Variants in CPM observed in about 807,000 individuals in gnomAD.
CPM encodes renal carboxypeptidase.
A neutral mutation model predicts 46.4 loss-of-function variants in CPM; 35 were observed. That is an observed-to-expected ratio of 0.75 (90% confidence interval 0.58 to 1.00). The LOEUF (loss-of-function observed/expected upper bound fraction) is 1.00, where lower values mean the gene tolerates loss of function less well. CPM is among the 50% of genes least tolerant of loss of function. The pLI, the probability that CPM is intolerant of heterozygous loss-of-function variation, is 0.00. For synonymous variants in CPM, 195 were observed against 195.3 expected (o/e 1.00, Z 0.01); for missense variants, 422 against 530.4 (o/e 0.80, Z 2.01).
At chr12:68,921,990 T>C (rs1308168081) in intron 2 of CPM, among the ~76,000 whole-genome samples, 2 of 152,310 alleles carry the variant, frequency 1.3e-5, no homozygotes, top group African/African-American at 4.8e-5. Flanking sequence ...TGAGAGTATC[T>C]GTTACATGTA....
chr12:68,847,040 T>C (rs1884342173), downstream of CPM: 1 of 150,580 alleles, frequency 6.6e-6, no homozygotes, highest in African/African-American at 2.5e-5. Flanking sequence ...GGCTGGAGTA[T>C]AGTGGCGCAA....
intron 3 of CPM, among the ~76,000 whole-genome samples, chr12:68,881,450 G>C (rs1320155905): frequency 6.6e-6 from 1 of 152,132 alleles, no homozygotes; most frequent in African/African-American, 2.4e-5. Context: ...TCCTGATTTG[G>C]GTAATTTTAG....
At chr12:68,906,560 G>T (rs1435450334) in intron 2 of CPM, among the ~76,000 whole-genome samples, 1 of 152,106 alleles carries the variant, frequency 6.6e-6, no homozygotes, top group Non-Finnish European at 1.5e-5. Flanking sequence ...CACGATCTTG[G>T]TTCACCGCAG....
chr12:68,903,061 A>C (rs1286078032), intron 2 of CPM, among the ~76,000 whole-genome samples: 1 of 152,250 alleles, frequency 6.6e-6, no homozygotes, highest in Non-Finnish European at 1.5e-5. Flanking sequence ...TGTATCTATA[A>C]GAGCTCTGAG....
rs1885594978 is a variant in CPM at position 68,869,463 on chromosome 12, G to A, written c.649C>T (p.Pro217Ser). Reference sequence around the variant, plus strand: ...AGATATTGAAAAACATCATCATCAGGCGTTAAGCTTCGGGAGTATAATGCC... The same window carrying A: ...AGATATTGAAAAACATCATCATCAGACGTTAAGCTTCGGGAGTATAATGCC... ...TGALYSRSLT[P>S]DDDVFQYLAH... is the part of the protein sequence containing the mutation. The change falls in exon 6 of 9, where the codon CCT becomes TCT. Residue 217 changes from proline (P) to serine (S), a missense_variant. Coordinates refer to ENST00000551568, the MANE Select transcript of CPM (RefSeq NM_198320.5). 2 of 1,612,152 alleles carry A rather than the reference G, an allele frequency of 1.2e-6. No individual in the cohort carries two copies. The highest frequency in any genetic ancestry group is 3.3e-5 in the Admixed American group (2 of 59,734).
Position 68,887,238 on chromosome 12 carries a change from G to A in CPM, c.161-1349C>T, listed in dbSNP as rs80184781. Among the ~76,000 whole-genome samples, 1,286 of 152,246 alleles carry A rather than the reference G, an allele frequency of 8.4e-3. 30 individuals carry two copies. Among genetic ancestry groups the A allele is most frequent in the African/African-American group, 0.029 (1,219 of 41,524 alleles). The stretch of plus-strand genomic sequence containing the variant: ...AGAGATGTGGGTATGTTTGATATCC[G>A]TCATGTATGTACAAAGTTTAAATAT... On this transcript the variant is annotated intron_variant, in intron 2 of 8. Transcript: ENST00000551568.
chr12:68,894,355 T>C (rs774721982), intron 2 of CPM, among the ~76,000 whole-genome samples: 6 of 152,172 alleles, frequency 3.9e-5, no homozygotes, highest in Non-Finnish European at 7.4e-5. Context: ...CAAAAATTAT[T>C]GGTGTATCTC....
intron 1 of CPM, 30 bp from the exon 2 acceptor site, chr12:68,932,870 G>C: frequency 1.9e-6 from 3 of 1,606,592 alleles, no homozygotes; most frequent in Non-Finnish European, 2.6e-6. Context: ...AGAAGAACCT[G>C]AGAACACATG....
chr12:68,849,619 T>A (rs1468817853), downstream of CPM: 1 of 151,718 alleles, frequency 6.6e-6, no homozygotes. Flanking sequence ...CATGCTAGCC[T>A]TGAACTCCTG....
In CPM at chr12:68,902,175, G is replaced by T. The variant is rs145258526; in HGVS notation, c.161-16286C>A. On this transcript the variant is annotated intron_variant, in intron 2 of 8. Transcript: ENST00000551568. ...TTTGTTTCTATTCATTTTTAAGACAGCCAAGAAGAATATGAGCATACTATC... is the reference window on the plus strand; with the variant it reads ...TTTGTTTCTATTCATTTTTAAGACATCCAAGAAGAATATGAGCATACTATC... Among the ~76,000 whole-genome samples, 163 of 152,204 alleles carry T rather than the reference G, an allele frequency of 1.1e-3. 1 individual carries two copies. The highest frequency in any genetic ancestry group is 3.3e-3 in the African/African-American group (137 of 41,536).
At chr12:68,914,932 C>T (rs1047692113) in intron 2 of CPM, among the ~76,000 whole-genome samples, 3 of 152,174 alleles carry the variant, frequency 2.0e-5, no homozygotes, top group Admixed American at 6.5e-5. Flanking sequence ...AGGGATAATA[C>T]TACCTATTAT....
intron 2 of CPM, among the ~76,000 whole-genome samples, chr12:68,897,744 A>G (rs1592673486): frequency 6.6e-6 from 1 of 152,032 alleles, no homozygotes; most frequent in Admixed American, 6.6e-5. Flanking sequence ...TTCAAAAAAA[A>G]AAAAAAAAAA....
rs113005973 is a variant in CPM, at chr12:68,901,304, C to T, written c.161-15415G>A. Among the ~76,000 whole-genome samples, 658 of 152,288 alleles carry T rather than the reference C, an allele frequency of 4.3e-3. 2 individuals are homozygous for T. Among genetic ancestry groups the T allele is most frequent in the African/African-American group, 0.014 (601 of 41,554 alleles). The stretch of plus-strand genomic sequence containing the variant: ...CTATGCCCCCATGCACCGGCTCCTG[C>T]GGCTTGTAAGGGTGGGATTTAGGAG... On this transcript the variant is annotated intron_variant, in intron 2 of 8. Coordinates refer to ENST00000551568, the MANE Select transcript of CPM (RefSeq NM_198320.5).
chr12:68,857,584 AG>A (rs1885033254), intron 8 of CPM, among the ~76,000 whole-genome samples: 1 of 152,032 alleles, frequency 6.6e-6, no homozygotes, highest in Non-Finnish European at 1.5e-5. Context: ...AACTAACTAC[AG>A]GCAATGTCTA....
At chr12:68,963,202 C>A in exon 1 of CPM, 1 of 180,850 alleles carries the variant, frequency 5.5e-6, no homozygotes, top group Non-Finnish European at 1.1e-5. Context: ...ACCCCCATTC[C>A]AGAAAGGGTC....
intron 2 of CPM, among the ~76,000 whole-genome samples, 165 bp from the exon 3 acceptor site, chr12:68,886,054 G>A (rs1171673127): frequency 3.9e-5 from 6 of 152,102 alleles, no homozygotes; most frequent in South Asian, 2.1e-4. Context: ...AACACTCATC[G>A]TTTACCGTCA....
At chr12:68,905,212 A>C (rs1436603331) in intron 2 of CPM, among the ~76,000 whole-genome samples, 1 of 150,964 alleles carries the variant, frequency 6.6e-6, no homozygotes, top group Non-Finnish European at 1.5e-5. Flanking sequence ...ACCCGGCCAA[A>C]ATATAGAAAC....
At chr12:68,900,074 G>A (rs1474651205) in intron 2 of CPM, among the ~76,000 whole-genome samples, 1 of 152,100 alleles carries the variant, frequency 6.6e-6, no homozygotes, top group Admixed American at 6.6e-5. Flanking sequence ...GAGGGATCAA[G>A]AGAATGAAAA....
chr12:68,944,638 C>T (rs1160606830), intron 1 of CPM, among the ~76,000 whole-genome samples: 2 of 152,014 alleles, frequency 1.3e-5, no homozygotes, highest in African/African-American at 4.8e-5. Context: ...GGCTTCAAGT[C>T]ATCCGCCCAG....
Sources: allele counts gnomAD v4.1 joint callset (sites outside exome capture counted in the v4.1 genomes callset), GRCh38; gene constraint gnomAD v4.1.1; transcripts MANE v1.5; gene names NCBI Gene and HGNC (gene_info 2026-07-23, HGNC 2026-07-21).